Variants in NKAIN3 observed in about 807,000 individuals in gnomAD.
The protein encoded by NKAIN3 is sodium/potassium-transporting ATPase subunit beta-1-interacting protein 3.
Under a neutral mutation model 30.2 loss-of-function variants are expected in NKAIN3, and 25 were observed. The observed-to-expected ratio is 0.83, with a 90% CI of 0.60 to 1.16. The LOEUF (loss-of-function observed/expected upper bound fraction) is 1.16. Among genes scored for constraint, NKAIN3 ranks in the 50% most tolerant of loss-of-function variants. NKAIN3 has a pLI of 0.00. For synonymous variants in NKAIN3, 91 were observed against 89.6 expected (o/e 1.02, Z -0.09); for missense variants, 225 against 254.1 (o/e 0.89, Z 0.78).
chr8:62,787,423 G>T (rs1354178123), intron 4 of NKAIN3, among the ~76,000 whole-genome samples: 1 of 152,114 alleles, frequency 6.6e-6, no homozygotes, highest in African/African-American at 2.4e-5. Flanking sequence ...AAAACCTCCT[G>T]CCCCCAAAAT....
At chr8:62,655,419 G>A (rs1338756851) in intron 3 of NKAIN3, among the ~76,000 whole-genome samples, 1 of 152,122 alleles carries the variant, frequency 6.6e-6, no homozygotes, top group East Asian at 1.9e-4. Flanking sequence ...TTAGAGGGAA[G>A]TAAGATTAGA....
At chr8:62,461,064 C>A (rs1368551560) in intron 1 of NKAIN3, among the ~76,000 whole-genome samples, 2 of 152,186 alleles carry the variant, frequency 1.3e-5, no homozygotes, top group Non-Finnish European at 2.9e-5. Context: ...AAACACTCAC[C>A]TTTGGTCAAT....
At chr8:62,806,476 A>G (rs570368852) in intron 4 of NKAIN3, among the ~76,000 whole-genome samples, 16 of 152,234 alleles carry the variant, frequency 1.1e-4, no homozygotes, top group Non-Finnish European at 2.1e-4. Context: ...ATGTAGCCAT[A>G]AAAAATGATG....
At chr8:62,484,871 A>G (rs904257674) in intron 1 of NKAIN3, among the ~76,000 whole-genome samples, 2 of 152,118 alleles carry the variant, frequency 1.3e-5, no homozygotes, top group Non-Finnish European at 2.9e-5. Context: ...CAGCAACAGC[A>G]ATGGTCCAGG....
At chr8:62,947,308 C>G (rs144758669) in intron 5 of NKAIN3, among the ~76,000 whole-genome samples, 1 of 152,164 alleles carries the variant, frequency 6.6e-6, no homozygotes, top group African/African-American at 2.4e-5. Flanking sequence ...CTTCCGCACT[C>G]CCGTGACATC....
chr8:62,745,702 G>GTA (rs1816046704), intron 3 of NKAIN3, among the ~76,000 whole-genome samples: 1 of 152,030 alleles, frequency 6.6e-6, no homozygotes, highest in African/African-American at 2.4e-5. Flanking sequence ...CTCTGAAAGT[G>GTA]TATTTTGATA....
chr8:62,453,426 G>C (rs575423555), intron 1 of NKAIN3, among the ~76,000 whole-genome samples: 65 of 152,194 alleles, frequency 4.3e-4, no homozygotes, highest in African/African-American at 1.5e-3. Context: ...ACATCAAAAA[G>C]TTAGAAAGAT....
chr8:62,748,898 A>G (rs1252530600), intron 4 of NKAIN3, among the ~76,000 whole-genome samples: 1 of 152,168 alleles, frequency 6.6e-6, no homozygotes, highest in Non-Finnish European at 1.5e-5. Context: ...GTCTTTTCTT[A>G]TTCTCTGATC....
At chr8:62,598,399 A>G (rs1178819845) in intron 3 of NKAIN3, among the ~76,000 whole-genome samples, 1 of 152,064 alleles carries the variant, frequency 6.6e-6, no homozygotes, top group Non-Finnish European at 1.5e-5. Flanking sequence ...ATTACTCATG[A>G]GTGCCTAAGC....
chr8:62,273,081 A>G (rs1812826045), intron 1 of NKAIN3, among the ~76,000 whole-genome samples: 1 of 152,206 alleles, frequency 6.6e-6, no homozygotes, highest in African/African-American at 2.4e-5. Flanking sequence ...TTGTGTTTCA[A>G]TTAAACTTTA....
At position 62,781,063 on chromosome 8, in the gene NKAIN3, T is replaced by C. The variant is rs1335773085; in HGVS notation, c.471+33934T>C. 2.0e-5 allele frequency among the ~76,000 whole-genome samples: 3 copies of C among 151,954 alleles called. No homozygotes were observed. In the South Asian group the frequency reaches 6.2e-4, roughly 31 times the overall value. On this transcript the variant is annotated intron_variant, in intron 4 of 6. Coordinates refer to ENST00000623646, the MANE Select transcript of NKAIN3 (RefSeq NM_001304533.3). ...AGATTTCACCAAAAACTCTTAGAACTTACAAACAAATTCAGTGAAGTTGCA... is the reference window on the plus strand; with the variant it reads ...AGATTTCACCAAAAACTCTTAGAACCTACAAACAAATTCAGTGAAGTTGCA...
intron 1 of NKAIN3, among the ~76,000 whole-genome samples, chr8:62,389,133 A>G (rs1041371452): frequency 9.2e-5 from 14 of 152,328 alleles, no homozygotes; most frequent in African/African-American, 3.4e-4. Flanking sequence ...GGCAGCCTGA[A>G]TAGAACTTCA....
chr8:62,542,403 T>A (rs1256047197), intron 1 of NKAIN3, among the ~76,000 whole-genome samples: 1 of 152,288 alleles, frequency 6.6e-6, no homozygotes, highest in Non-Finnish European at 1.5e-5. Context: ...TAAAACAACA[T>A]GATATATGTG....
chr8:62,529,931 C>T (rs1243541054), intron 1 of NKAIN3, among the ~76,000 whole-genome samples: 1 of 152,108 alleles, frequency 6.6e-6, no homozygotes, highest in Non-Finnish European at 1.5e-5. Context: ...AGAGGCTTCC[C>T]CTACCAGTTC....
chr8:62,722,326 G>A (rs576915297), intron 3 of NKAIN3, among the ~76,000 whole-genome samples: 41 of 152,282 alleles, frequency 2.7e-4, no homozygotes, highest in African/African-American at 9.6e-4. Flanking sequence ...GAATTAAGTA[G>A]TGGCTTGGAA....
chr8:62,917,826 T>C (rs527723506), intron 4 of NKAIN3, among the ~76,000 whole-genome samples: 1 of 152,344 alleles, frequency 6.6e-6, no homozygotes, highest in East Asian at 1.9e-4. Context: ...GCATCATAAA[T>C]GCAGAGGTTA....
chr8:62,870,689 C>CGATATATATAGATA (rs1820607385), intron 4 of NKAIN3, among the ~76,000 whole-genome samples: 1 of 98,482 alleles, frequency 1.0e-5, no homozygotes, highest in Non-Finnish European at 2.0e-5. Flanking sequence ...ATCTATATCT[C>CGATATATATAGATA]TCTATCTATA....
At chr8:62,742,940 G>A (rs1386565990) in intron 3 of NKAIN3, among the ~76,000 whole-genome samples, 4 of 152,168 alleles carry the variant, frequency 2.6e-5, no homozygotes, top group Admixed American at 1.3e-4. Context: ...AGAGAAGAAT[G>A]AGAACCAAGC....
intron 5 of NKAIN3, among the ~76,000 whole-genome samples, chr8:62,936,960 T>C (rs1822804392): frequency 6.6e-6 from 1 of 152,050 alleles, no homozygotes; most frequent in Admixed American, 6.5e-5. Context: ...TTTAGGACTT[T>C]GCCTAAACTA....
Sources: gnomAD v4.1 joint callset for allele counts (sites outside exome capture counted in the v4.1 genomes callset) on GRCh38, gnomAD v4.1.1 for gene constraint, MANE v1.5 for transcripts, NCBI Gene and HGNC (gene_info 2026-07-23, HGNC 2026-07-21) for gene names.